The following LRRIQ1 variants were observed in gnomAD, a reference collection of about 807,000 sequenced individuals.
LRRIQ1 encodes the protein leucine rich repeats and IQ motif containing 1.
A neutral mutation model predicts 211.9 loss-of-function variants in LRRIQ1; 210 were observed. The ratio of observed to expected loss-of-function variants is 0.99; its 90% CI spans 0.89 to 1.11. LRRIQ1 has a LOEUF of 1.11. Among genes scored for constraint, LRRIQ1 ranks in the 50% most tolerant of loss-of-function variants. LRRIQ1 has a pLI of 0.00. For missense variants in LRRIQ1, 2,136 were observed against 1,939.5 expected (o/e 1.10, Z -1.90); for synonymous variants, 699 against 650.1 (o/e 1.08, Z -1.14).
In LRRIQ1 at chr12:85,251,444, G is replaced by A. The variant is rs117491749; in HGVS notation, c.121+6535G>A. Among the ~76,000 whole-genome samples the A allele has an allele frequency of 2.4e-3, 372 of 151,952 alleles. 2 individuals are homozygous for A. Among genetic ancestry groups the A allele is most frequent in the Non-Finnish European group, 4.6e-3 (314 of 67,918 alleles). ...AGTAGTAAAAGATGATTAATATGCC[G>A]ATTTAGGTTTTAAACATGGTGAGTG... On this transcript the variant is annotated intron_variant, in intron 1 of 1. Transcript: ENST00000602731.
chr12:85,250,065 C>T (rs1895858974), downstream of LRRIQ1, among the ~76,000 whole-genome samples: 1 of 151,296 alleles, frequency 6.6e-6, no homozygotes, highest in South Asian at 2.1e-4. Flanking sequence ...TTCTAGATAC[C>T]TAGAACAATT....
chr12:85,252,626 T>C (rs1895979082), intron 1 of LRRIQ1, among the ~76,000 whole-genome samples: 1 of 151,856 alleles, frequency 6.6e-6, no homozygotes, highest in Admixed American at 6.6e-5. Context: ...ATCTGATTAA[T>C]TCTGATGAAG....
chr12:85,263,288 A>G (rs1896348649), exon 2 of LRRIQ1: 1 of 156,148 alleles, frequency 6.4e-6, no homozygotes, highest in African/African-American at 2.4e-5. Context: ...GAAAATTCTT[A>G]AGATATTGTA....
At chr12:85,253,210 C>T (rs1896000416) in intron 1 of LRRIQ1, among the ~76,000 whole-genome samples, 1 of 151,952 alleles carries the variant, frequency 6.6e-6, no homozygotes, top group Admixed American at 6.6e-5. Context: ...ATTCCTACAG[C>T]AAGGAGTGCT....
chr12:85,094,793 G>C (rs1453486061), intron 11 of LRRIQ1, among the ~76,000 whole-genome samples: 2 of 152,010 alleles, frequency 1.3e-5, no homozygotes, highest in African/African-American at 4.8e-5. Flanking sequence ...TTTCAGTGGT[G>C]CTTTGTAGTT....
At chr12:85,156,892 A>G (rs2136698565) in intron 23 of LRRIQ1, among the ~76,000 whole-genome samples, 1 of 151,974 alleles carries the variant, frequency 6.6e-6, no homozygotes, top group East Asian at 1.9e-4. Flanking sequence ...AATCTAACAA[A>G]GTAGTAATCC....
rs1555226129 is a variant in LRRIQ1, at chr12:85,217,726, A to ATGTGTATATATATGTATATATATGTAAC, written c.4823-11775_4823-11774insTATATATGTAACTGTGTATATATATGTA. ...TATATGTGTGTGTATATATGTATAT[A>ATGTGTATATATATGTATATATATGTAAC]TGTGTATATATATGTAATGTGTGTG... On this transcript the variant is annotated intron_variant, in intron 24 of 26. Transcript: ENST00000393217. 8.9e-4 allele frequency among the ~76,000 whole-genome samples: 128 copies of ATGTGTATATATATGTATATATATGTAAC among 144,104 alleles called. 1 individual carries two copies. Among genetic ancestry groups the ATGTGTATATATATGTATATATATGTAAC allele is most frequent in the African/African-American group, 3.3e-3 (120 of 36,900 alleles). 94.5% of individuals were successfully genotyped at this position (144,104 alleles called of 152,430 possible). A position where few individuals can be genotyped will look rare whatever the true frequency, so the allele number is the denominator to read the frequency against.
intron 18 of LRRIQ1, among the ~76,000 whole-genome samples, chr12:85,134,072 G>A (rs779682143): frequency 1.8e-4 from 27 of 152,048 alleles, no homozygotes; most frequent in Non-Finnish European, 3.5e-4. Context: ...GATTTGATTA[G>A]TGCAAGACCA....
chr12:85,230,628 G>A (rs1365729734), intron 25 of LRRIQ1, among the ~76,000 whole-genome samples: 1 of 152,130 alleles, frequency 6.6e-6, no homozygotes, highest in Non-Finnish European at 1.5e-5. Flanking sequence ...AAGCATATAC[G>A]CATCCTGAAC....
At chr12:85,054,643 C>A (rs1880760963) in intron 7 of LRRIQ1, among the ~76,000 whole-genome samples, 1 of 151,772 alleles carries the variant, frequency 6.6e-6, no homozygotes, top group Non-Finnish European at 1.5e-5. Flanking sequence ...GGGAAAACAT[C>A]TCATTTTGAA....
chr12:85,245,017 T>C lies in LRRIQ1; in HGVS notation c.*76T>C, dbSNP rs1037274820. On this transcript the variant is annotated 3_prime_UTR_variant, in exon 27 of 27. Coordinates refer to ENST00000393217, the MANE Select transcript of LRRIQ1 (RefSeq NM_001079910.2). ...GATAGGGGGTAGGATGCCAGCAACC[T>C]GAACTGCCCAAAAATGTGTATTTAA... 2.6e-6 allele frequency: 4 copies of C among 1,530,606 alleles called. No homozygotes were observed. In the African/African-American group the frequency reaches 4.3e-5, roughly 16 times the overall value. The allele number at this position is 1,530,606 out of a possible 1,614,324, so 94.8% of individuals were successfully genotyped here. A position where few individuals can be genotyped will look rare whatever the true frequency, so the allele number is the denominator to read the frequency against.
At chr12:85,237,189 G>A (rs1895228991) in intron 26 of LRRIQ1, among the ~76,000 whole-genome samples, 1 of 151,882 alleles carries the variant, frequency 6.6e-6, no homozygotes, top group East Asian at 1.9e-4. Context: ...TATAAAACCT[G>A]GATAAAATTA....
chr12:85,209,769 G>T (rs967824941), intron 24 of LRRIQ1, among the ~76,000 whole-genome samples: 21 of 151,868 alleles, frequency 1.4e-4, no homozygotes, highest in Admixed American at 1.4e-3. Context: ...TATTATCTAG[G>T]GATTTTATAT....
intron 24 of LRRIQ1, among the ~76,000 whole-genome samples, chr12:85,182,225 A>G (rs190439460): frequency 2.6e-4 from 40 of 152,256 alleles, no homozygotes; most frequent in African/African-American, 8.9e-4. Context: ...GTCATGTTCA[A>G]AAAGGTCATC....
At chr12:85,068,177 C>T (rs1882648775) in intron 10 of LRRIQ1, among the ~76,000 whole-genome samples, 1 of 151,824 alleles carries the variant, frequency 6.6e-6, no homozygotes, top group East Asian at 1.9e-4. Context: ...TAAAATTTTA[C>T]TTTGATATGG....
chr12:85,160,045 A>G (rs1184896194), intron 23 of LRRIQ1, among the ~76,000 whole-genome samples: 1 of 152,050 alleles, frequency 6.6e-6, no homozygotes, highest in African/African-American at 2.4e-5. Context: ...GAGAATAGCT[A>G]TGCAAATACT....
At position 85,250,990 on chromosome 12, in the gene LRRIQ1, TTA is replaced by T. The variant is rs548264946; in HGVS notation, c.121+6085_121+6086del. On this transcript the variant is annotated intron_variant, in intron 1 of 1. Transcript: ENST00000602731. The stretch of plus-strand genomic sequence containing the variant: ...TATTATATATATTATAGATTATATA[TTA>T]TATTATATATAATATATATACCTTA... 1.6e-3 allele frequency among the ~76,000 whole-genome samples: 186 copies of T among 118,418 alleles called. 1 individual carries two copies. The highest frequency in any genetic ancestry group is 5.7e-3 in the African/African-American group (178 of 31,464). The allele number at this position is 118,418 out of a possible 152,430, so 77.7% of individuals were successfully genotyped here.
At chr12:85,200,755 G>A (rs10467055) in intron 24 of LRRIQ1, among the ~76,000 whole-genome samples, 8,768 of 152,082 alleles carry the variant, frequency 0.058, 830 homozygotes, top group African/African-American at 0.2. Context: ...TATTGATTTC[G>A]GTTTGTTGAA....
At chr12:85,061,572 A>T (rs1881808828) in intron 8 of LRRIQ1, among the ~76,000 whole-genome samples, 1 of 151,788 alleles carries the variant, frequency 6.6e-6, no homozygotes, top group African/African-American at 2.4e-5. Context: ...TGTATAGTTG[A>T]TTGAAAGCAA....
Sources: allele counts gnomAD v4.1 joint callset (sites outside exome capture counted in the v4.1 genomes callset), GRCh38; gene constraint gnomAD v4.1.1; transcripts MANE v1.5; gene names NCBI Gene and HGNC (gene_info 2026-07-23, HGNC 2026-07-21).